ABHD12: variants seen among roughly 807,000 people sequenced by gnomAD.
ABHD12 encodes abhydrolase domain containing 12, lysophospholipase.
ABHD12 carries 43 observed loss-of-function variants against 58.3 expected under a neutral mutation model. That is an observed-to-expected ratio of 0.74 (90% CI 0.58 to 0.95). The LOEUF (loss-of-function observed/expected upper bound fraction) is 0.95, where lower values mean the gene tolerates loss of function less well. ABHD12 is among the 40% of genes least tolerant of loss of function. The pLI is 0.00. For missense variants in ABHD12, 539 were observed against 537.2 expected, an observed-to-expected ratio of 1.00 and a Z score of -0.03; for synonymous variants, 219 against 211.2, an observed-to-expected ratio of 1.04 and a Z score of -0.32.
intron 2 of ABHD12, among the ~76,000 whole-genome samples, chr20:25,328,939 G>A (rs530646465): frequency 9.2e-5 from 14 of 152,314 alleles, no homozygotes; most frequent in African/African-American, 2.9e-4. Flanking sequence ...TAGGAACCCC[G>A]TGGCCAGTAT....
chr20:25,390,795 C>G lies in ABHD12; in HGVS notation c.-92G>C, dbSNP rs940176964. The G allele has an allele frequency of 5.9e-6, 5 of 850,766 alleles. No individual in the cohort carries two copies. Among genetic ancestry groups the G allele is most frequent in the Non-Finnish European group, 7.6e-6 (5 of 655,126 alleles). 52.7% of individuals were successfully genotyped at this position (850,766 alleles called of 1,614,324 possible). On this transcript the variant is annotated 5_prime_UTR_variant, in exon 1 of 13. Coordinates refer to ENST00000339157, the MANE Select transcript of ABHD12 (RefSeq NM_001042472.3). Reference sequence around the variant, plus strand: ...GCCGCCGCCACCCAGAGCCCGGAGCCCGGAACCCGCCGCTCCTCACATCCC... The same window carrying G: ...GCCGCCGCCACCCAGAGCCCGGAGCGCGGAACCCGCCGCTCCTCACATCCC...
chr20:25,346,960 TA>T (rs1303889122), intron 1 of ABHD12, among the ~76,000 whole-genome samples: 15 of 152,132 alleles, frequency 9.9e-5, no homozygotes, highest in Admixed American at 9.2e-4. Context: ...ATTAATTTTT[TA>T]AAAAGTCAAC....
chr20:25,322,300 G>A (rs1600795537), intron 3 of ABHD12, among the ~76,000 whole-genome samples: 2 of 147,666 alleles, frequency 1.4e-5, no homozygotes, highest in Non-Finnish European at 1.5e-5. Context: ...CAGCTGGTGC[G>A]AAGCTATATG....
intron 1 of ABHD12, among the ~76,000 whole-genome samples, chr20:25,345,706 G>A (rs1192332326): frequency 6.6e-6 from 1 of 152,222 alleles, no homozygotes; most frequent in East Asian, 1.9e-4. Context: ...GTTCACATAT[G>A]TAATCAGAGA....
intron 2 of ABHD12, among the ~76,000 whole-genome samples, chr20:25,324,153 T>C (rs1440381061): frequency 6.6e-6 from 1 of 152,108 alleles, no homozygotes; most frequent in Non-Finnish European, 1.5e-5. Context: ...TGGAAGACCA[T>C]GGGGCCCTTA....
intron 1 of ABHD12, among the ~76,000 whole-genome samples, chr20:25,377,381 ATAAC>A (rs1182583663): frequency 1.3e-5 from 2 of 152,312 alleles, no homozygotes; most frequent in African/African-American, 4.8e-5. Context: ...CTATAATTAA[ATAAC>A]TGAGGTCAGT....
Position 25,390,758 on chromosome 20 carries a change from C to T in ABHD12, c.-55G>A. ...GCGCCCGCTGGCCTGCGCCGCAGTG[C>T]CGCCGCTCACAGCCGCCGCCACCCA... On this transcript the variant is annotated 5_prime_UTR_variant, in exon 1 of 13. Transcript: ENST00000339157. 1.9e-6 allele frequency: 1 copy of T among 534,016 alleles called. No individual in the cohort carries two copies. Among genetic ancestry groups the T allele is most frequent in the Non-Finnish European group, 2.6e-6 (1 of 380,362 alleles). 33.1% of individuals were successfully genotyped at this position (534,016 alleles called of 1,614,324 possible). A position where few individuals can be genotyped will look rare whatever the true frequency, so the allele number is the denominator to read the frequency against.
chr20:25,298,648 G>A (rs765473494), downstream of ABHD12, among the ~76,000 whole-genome samples: 5 of 152,198 alleles, frequency 3.3e-5, no homozygotes, highest in African/African-American at 7.2e-5. Flanking sequence ...CACCTTTCTG[G>A]TGTGACTTGT....
intron 1 of ABHD12, among the ~76,000 whole-genome samples, chr20:25,366,425 C>A (rs1286581468): frequency 6.6e-6 from 1 of 152,066 alleles, no homozygotes; most frequent in Non-Finnish European, 1.5e-5. Flanking sequence ...TGCCAACATG[C>A]CTGGCTAGTT....
At chr20:25,365,608 A>G (rs1600858464) in intron 1 of ABHD12, among the ~76,000 whole-genome samples, 1 of 152,216 alleles carries the variant, frequency 6.6e-6, no homozygotes, top group Admixed American at 6.5e-5. Context: ...TGGATCAAAG[A>G]GTAAGTGCAT....
intron 2 of ABHD12, among the ~76,000 whole-genome samples, chr20:25,329,057 C>T (rs6138563): frequency 9.2e-5 from 14 of 152,356 alleles, no homozygotes; most frequent in African/African-American, 2.9e-4. Context: ...TGGCTCACTC[C>T]TGCAGGCCAG....
chr20:25,342,519 G>C (rs1391022044), intron 1 of ABHD12, among the ~76,000 whole-genome samples: 1 of 150,146 alleles, frequency 6.7e-6, no homozygotes, highest in African/African-American at 2.5e-5. Context: ...AAGTCTGTCA[G>C]TGCCATTTTT....
intron 1 of ABHD12, among the ~76,000 whole-genome samples, chr20:25,342,439 C>G (rs1414265548): frequency 6.7e-6 from 1 of 149,590 alleles, no homozygotes. Context: ...CTTTACTGCA[C>G]TTTGCAGATA....
downstream of ABHD12, among the ~76,000 whole-genome samples, chr20:25,299,026 A>G (rs2088593518): frequency 6.6e-6 from 1 of 152,200 alleles, no homozygotes; most frequent in South Asian, 2.1e-4. Context: ...GGATGTAATG[A>G]GCTGACAGGT....
chr20:25,338,461 G>C (rs1340652254), intron 2 of ABHD12, among the ~76,000 whole-genome samples: 1 of 152,176 alleles, frequency 6.6e-6, no homozygotes, highest in Non-Finnish European at 1.5e-5. Flanking sequence ...CGAACCCACA[G>C]ATGCGGCCCT....
intron 1 of ABHD12, among the ~76,000 whole-genome samples, chr20:25,341,284 C>A (rs1172241957): frequency 6.6e-6 from 1 of 152,198 alleles, no homozygotes; most frequent in Non-Finnish European, 1.5e-5. Flanking sequence ...GGTTACTGCC[C>A]AGGGTGATCT....
At chr20:25,369,099 C>G (rs1183239549) in intron 1 of ABHD12, among the ~76,000 whole-genome samples, 1 of 151,676 alleles carries the variant, frequency 6.6e-6, no homozygotes, top group Non-Finnish European at 1.5e-5. Context: ...GCCTGGGTGA[C>G]AGAGAAGGAC....
intron 2 of ABHD12, among the ~76,000 whole-genome samples, chr20:25,338,485 C>T (rs186443601): frequency 1.6e-4 from 24 of 152,288 alleles, no homozygotes; most frequent in Non-Finnish European, 3.1e-4. Context: ...CTTGGAGCCT[C>T]GCTTGTAGGA....
chr20:25,351,300 T>C (rs2089597542), intron 1 of ABHD12, among the ~76,000 whole-genome samples: 1 of 152,218 alleles, frequency 6.6e-6, no homozygotes, highest in African/African-American at 2.4e-5. Flanking sequence ...GCCAGGCTCA[T>C]AGTTTGTGCT....
Sources: gnomAD v4.1 joint callset for allele counts (sites outside exome capture counted in the v4.1 genomes callset) on GRCh38, gnomAD v4.1.1 for gene constraint, MANE v1.5 for transcripts, NCBI Gene and HGNC (gene_info 2026-07-23, HGNC 2026-07-21) for gene names.